Variants in SGCD observed in about 807,000 individuals in gnomAD.
The protein encoded by SGCD is sarcoglycan delta.
Under a neutral mutation model 36.6 loss-of-function variants are expected in SGCD, and 18 were observed. The observed-to-expected ratio is 0.49, with a 90% CI of 0.34 to 0.73. The LOEUF (loss-of-function observed/expected upper bound fraction) is 0.73, where lower values mean the gene tolerates loss of function less well. SGCD is among the 30% of genes least tolerant of loss of function. The pLI is 0.01. For synonymous variants in SGCD, 133 were observed against 130.6 expected, an observed-to-expected ratio of 1.02 and a Z score of -0.12; for missense variants, 387 against 346.7, an observed-to-expected ratio of 1.12 and a Z score of -0.92.
intron 3 of SGCD, among the ~76,000 whole-genome samples, chr5:156,320,741 G>A (rs7736412): frequency 0.8 from 122,439 of 152,218 alleles, 49,888 homozygotes; most frequent in African/African-American, 0.94. Context: ...CAGCTTAGAC[G>A]CTGTGTCTGG....
intron 3 of SGCD, among the ~76,000 whole-genome samples, chr5:156,176,748 G>A (rs1412950058): frequency 6.6e-6 from 1 of 152,136 alleles, no homozygotes; most frequent in Non-Finnish European, 1.5e-5. Flanking sequence ...CTGAAAAATT[G>A]TTGGTAAATT....
At chr5:155,820,124 A>G in the SGCD span, among the ~76,000 whole-genome samples, 1 of 152,182 alleles carries the variant, frequency 6.6e-6, no homozygotes, top group Non-Finnish European at 1.5e-5. Context: ...TCCTTGGGTC[A>G]TGTTGAGGGA....
At chr5:156,568,087 G>A (rs1759569804) in intron 4 of SGCD, among the ~76,000 whole-genome samples, 1 of 152,130 alleles carries the variant, frequency 6.6e-6, no homozygotes, top group Non-Finnish European at 1.5e-5. Flanking sequence ...CTAAGAGGTA[G>A]GGATAAGACT....
At chr5:156,679,795 C>T (rs1038289011) in intron 7 of SGCD, among the ~76,000 whole-genome samples, 8 of 152,060 alleles carry the variant, frequency 5.3e-5, no homozygotes, top group East Asian at 1.9e-4. Flanking sequence ...TTTTCTTCTC[C>T]GCTTTTTACT....
rs876658001 is a variant in SGCD, at chr5:156,647,467, C to T, written c.506C>T (p.Ala169Val). The change falls in exon 7 of 9, where the codon GCG (alanine) becomes GTG (valine). Residue 169 changes from alanine (A) to valine (V), a missense_variant. Ala to Val is a moderately conservative substitution (Grantham distance 64). Transcript: ENST00000337851. ...TGCTTTTCTGTTTTGTTTACAGGAG[C>T]GGAGGGCACAGTGTTCCCTAAATCT... ...VGAERLRVLG[A>V]EGTVFPKSIE... 7.0e-6 allele frequency: 11 copies of T among 1,578,674 alleles called. No homozygotes were observed. The highest frequency in any genetic ancestry group is 2.3e-5 in the South Asian group (2 of 86,490).
chr5:156,531,355 G>C (rs1474829898), intron 4 of SGCD, among the ~76,000 whole-genome samples: 2 of 152,176 alleles, frequency 1.3e-5, no homozygotes, highest in Admixed American at 6.5e-5. Context: ...GGTTCTTTTG[G>C]TTGTTGTTAT....
chr5:155,964,461 C>T (rs1757862627), intron 1 of SGCD, among the ~76,000 whole-genome samples: 1 of 151,990 alleles, frequency 6.6e-6, no homozygotes, highest in South Asian at 2.1e-4. Context: ...CCCTCAGCCT[C>T]CCGAATAGGT....
intron 4 of SGCD, among the ~76,000 whole-genome samples, chr5:156,534,642 A>C (rs1466146854): frequency 6.6e-6 from 1 of 152,190 alleles, no homozygotes; most frequent in Admixed American, 6.5e-5. Flanking sequence ...AGCAAAGTAC[A>C]TGTAATTTAA....
At chr5:156,636,124 G>C (rs1490688181) in intron 6 of SGCD, among the ~76,000 whole-genome samples, 1 of 152,158 alleles carries the variant, frequency 6.6e-6, no homozygotes, top group Non-Finnish European at 1.5e-5. Context: ...TGGGCTTTGG[G>C]CAGTTGATTT....
At chr5:156,375,361 A>G (rs1377068860) in intron 3 of SGCD, among the ~76,000 whole-genome samples, 2 of 143,248 alleles carry the variant, frequency 1.4e-5, no homozygotes, top group Non-Finnish European at 3.1e-5. Flanking sequence ...CCATTTTCAG[A>G]TTTTGTCAGT....
At chr5:156,380,197 C>T (rs1464750339) in intron 3 of SGCD, among the ~76,000 whole-genome samples, 1 of 152,060 alleles carries the variant, frequency 6.6e-6, no homozygotes, top group East Asian at 1.9e-4. Flanking sequence ...CTTTTAAGCT[C>T]ATCTGTGTTC....
At chr5:156,343,130 T>G (rs1011395525) in intron 2 of SGCD, among the ~76,000 whole-genome samples, 1 of 152,216 alleles carries the variant, frequency 6.6e-6, no homozygotes, top group Non-Finnish European at 1.5e-5. Flanking sequence ...AAAATCATAT[T>G]GTGAACCATC....
chr5:156,547,472 T>G (rs1352108428), intron 4 of SGCD, among the ~76,000 whole-genome samples: 2 of 151,498 alleles, frequency 1.3e-5, no homozygotes, highest in African/African-American at 2.4e-5. Context: ...AGATGGAGTC[T>G]CACTCTGTCA....
At chr5:156,707,329 G>C (rs376163368) in intron 7 of SGCD, among the ~76,000 whole-genome samples, 1 of 152,112 alleles carries the variant, frequency 6.6e-6, no homozygotes, top group South Asian at 2.1e-4. Context: ...ATTCAATAAA[G>C]TTATCTCTTT....
intron 3 of SGCD, among the ~76,000 whole-genome samples, chr5:156,204,107 A>T (rs929102342): frequency 6.6e-6 from 1 of 152,144 alleles, no homozygotes; most frequent in Non-Finnish European, 1.5e-5. Context: ...ATAAAAGCCA[A>T]GAGTGTGGTT....
chr5:155,795,623 T>C, the SGCD span, among the ~76,000 whole-genome samples: 1 of 152,120 alleles, frequency 6.6e-6, no homozygotes, highest in Non-Finnish European at 1.5e-5. Context: ...ACATGAATGA[T>C]AAAATGGTGT....
intron 3 of SGCD, among the ~76,000 whole-genome samples, chr5:156,421,622 A>G (rs980717089): frequency 6.6e-6 from 1 of 151,994 alleles, no homozygotes; most frequent in Non-Finnish European, 1.5e-5. Context: ...AGAATGGGTG[A>G]CCCCGTGAGC....
At position 155,932,088 on chromosome 5, in the gene SGCD, T is replaced by G. The variant is rs566022927; in HGVS notation, c.-282+61664T>G. Among the ~76,000 whole-genome samples, 38 of 152,260 alleles carry G rather than the reference T, an allele frequency of 2.5e-4. No individual in the cohort carries two copies. The South Asian group carries it at 6.0e-3, about 24-fold the overall frequency. On this transcript the variant is annotated intron_variant, in intron 1 of 9. Coordinates refer to the SGCD transcript ENST00000517913. ...AGACCCCACTTCCTAATAACCCACCTTGGGGGTTAAGATTTCAACATATGA... is the reference window on the plus strand; with the variant it reads ...AGACCCCACTTCCTAATAACCCACCGTGGGGGTTAAGATTTCAACATATGA...
Position 156,761,179 on chromosome 5 carries a change from G to C in SGCD, c.*1789G>C, listed in dbSNP as rs1388359948. ...TTTTGAGATGACACTCAAGCATCAG[G>C]CTGAGATTTGCACACATGGGATGTA... On this transcript the variant is annotated 3_prime_UTR_variant, in exon 9 of 9. Coordinates refer to ENST00000337851, the MANE Select transcript of SGCD (RefSeq NM_000337.6). 1 of 152,172 alleles carries C rather than the reference G, an allele frequency of 6.6e-6. No individual in the cohort carries two copies. The highest frequency in any genetic ancestry group is 1.5e-5 in the Non-Finnish European group (1 of 68,046). The allele number at this position is 152,172 out of a possible 1,614,324, so 9.4% of individuals were successfully genotyped here. A position where few individuals can be genotyped will look rare whatever the true frequency, so the allele number is the denominator to read the frequency against.
Sources: allele counts gnomAD v4.1 joint callset (sites outside exome capture counted in the v4.1 genomes callset), GRCh38; gene constraint gnomAD v4.1.1; transcripts MANE v1.5; gene names NCBI Gene and HGNC (gene_info 2026-07-23, HGNC 2026-07-21).